Variants in TNR observed in about 807,000 individuals in gnomAD.
The protein encoded by TNR is tenascin R.
In TNR, 45 loss-of-function variants were observed where a neutral mutation model predicts 150.4. The observed-to-expected ratio is 0.30, with a 90% CI of 0.24 to 0.38. The LOEUF is 0.38. Ranked by LOEUF, TNR falls within the 10% of genes least tolerant of loss-of-function variation. The pLI is 1.00. For missense variants in TNR, 1,544 were observed against 1,759.1 expected (o/e 0.88, Z 2.19); for synonymous variants, 687 against 678.4 (o/e 1.01, Z -0.20).
At chr1:175,666,156 C>T (rs961281116) in intron 1 of TNR, among the ~76,000 whole-genome samples, 1 of 152,124 alleles carries the variant, frequency 6.6e-6, no homozygotes, top group Non-Finnish European at 1.5e-5. Flanking sequence ...TTATTGTACC[C>T]ATTATACAGA....
chr1:175,384,805 C>T (rs1322344882), intron 8 of TNR, among the ~76,000 whole-genome samples: 1 of 152,194 alleles, frequency 6.6e-6, no homozygotes, highest in East Asian at 1.9e-4. Flanking sequence ...AGTGGCCATC[C>T]AGTTTGCAAA....
At chr1:175,704,232 T>C (rs756731862) in intron 1 of TNR, among the ~76,000 whole-genome samples, 2 of 152,204 alleles carry the variant, frequency 1.3e-5, no homozygotes, top group Non-Finnish European at 2.9e-5. Context: ...GATTTTACCA[T>C]AATAAACGAG....
chr1:175,536,809 G>T lies in TNR; in HGVS notation c.-164-8440C>A, dbSNP rs28450558. Among the ~76,000 whole-genome samples the T allele has an allele frequency of 6.4e-3, 981 of 152,290 alleles. 14 individuals are homozygous for T. Among genetic ancestry groups the T allele is most frequent in the African/African-American group, 0.022 (910 of 41,550 alleles). ...GGAATTCTACTTCTCTGAGCACTAGGATAATTAGCAAATATTATAGAAATT... is the reference window on the plus strand; with the variant it reads ...GGAATTCTACTTCTCTGAGCACTAGTATAATTAGCAAATATTATAGAAATT... On this transcript the variant is annotated intron_variant, in intron 1 of 22. Coordinates refer to ENST00000367674, the MANE Select transcript of TNR (RefSeq NM_003285.3).
chr1:175,620,054 T>A (rs1309693234), intron 1 of TNR, among the ~76,000 whole-genome samples: 1 of 152,232 alleles, frequency 6.6e-6, no homozygotes, highest in East Asian at 1.9e-4. Context: ...GTAATTGTTA[T>A]AATGCGTAAT....
At chr1:175,444,843 CAG>C (rs1209134789) in intron 2 of TNR, among the ~76,000 whole-genome samples, 4 of 152,064 alleles carry the variant, frequency 2.6e-5, no homozygotes, top group African/African-American at 7.2e-5. Context: ...AAAAATCATG[CAG>C]AGAGTATGGG....
intron 1 of TNR, among the ~76,000 whole-genome samples, chr1:175,552,061 T>G (rs1365838206): frequency 1.3e-5 from 2 of 152,202 alleles, no homozygotes; most frequent in Non-Finnish European, 2.9e-5. Context: ...TAAAAGTTGT[T>G]GCCCCTGAGG....
At chr1:175,577,061 G>C (rs1010107981) in intron 1 of TNR, among the ~76,000 whole-genome samples, 8 of 152,128 alleles carry the variant, frequency 5.3e-5, no homozygotes, top group African/African-American at 1.7e-4. Flanking sequence ...CCATATGCAG[G>C]GTGATTAGAG....
At chr1:175,623,065 C>T (rs559888719) in intron 1 of TNR, among the ~76,000 whole-genome samples, 8 of 152,156 alleles carry the variant, frequency 5.3e-5, no homozygotes, top group Admixed American at 2.0e-4. Flanking sequence ...AAGATTTCAA[C>T]GTACATTTTT....
At chr1:175,639,285 C>A (rs1313004023) in intron 1 of TNR, among the ~76,000 whole-genome samples, 1 of 152,148 alleles carries the variant, frequency 6.6e-6, no homozygotes, top group Non-Finnish European at 1.5e-5. Context: ...AACAAAAGAC[C>A]ACCTGGTAGC....
intron 1 of TNR, among the ~76,000 whole-genome samples, chr1:175,576,926 T>A (rs79835160): frequency 0.042 from 6,404 of 152,268 alleles, 188 homozygotes; most frequent in Non-Finnish European, 0.064. Flanking sequence ...ATGCATGTGT[T>A]TTCCCATCAC....
chr1:175,501,871 G>A (rs2102150109), intron 2 of TNR, among the ~76,000 whole-genome samples: 1 of 152,290 alleles, frequency 6.6e-6, no homozygotes, highest in South Asian at 2.1e-4. Flanking sequence ...GGTCACAGTG[G>A]TGACCTGAGC....
intron 2 of TNR, among the ~76,000 whole-genome samples, chr1:175,440,806 G>A (rs1164132362): frequency 6.6e-6 from 1 of 152,106 alleles, no homozygotes; most frequent in Non-Finnish European, 1.5e-5. Context: ...TTGAAAATGT[G>A]GAAGTCATAA....
At chr1:175,722,553 C>T (rs1270691143) in intron 1 of TNR, among the ~76,000 whole-genome samples, 3 of 152,038 alleles carry the variant, frequency 2.0e-5, no homozygotes, top group South Asian at 2.1e-4. Flanking sequence ...CAACCTCTGC[C>T]TCCTAGGTTC....
chr1:175,528,046 T>C (rs1242252030), intron 2 of TNR, among the ~76,000 whole-genome samples: 1 of 152,186 alleles, frequency 6.6e-6, no homozygotes, highest in African/African-American at 2.4e-5. Context: ...AGAAATATTT[T>C]ATGAGAAGCC....
chr1:175,548,697 C>T (rs937918001), intron 1 of TNR, among the ~76,000 whole-genome samples: 1 of 151,044 alleles, frequency 6.6e-6, no homozygotes, highest in African/African-American at 2.4e-5. Flanking sequence ...GGCAGGGAGC[C>T]TCTCTACTGG....
chr1:175,388,886 A>G (rs186686261), intron 7 of TNR, among the ~76,000 whole-genome samples: 279 of 152,368 alleles, frequency 1.8e-3, no homozygotes, highest in African/African-American at 5.9e-3. Flanking sequence ...TGCAAATGTT[A>G]TAAGAATGTG....
At chr1:175,614,775 C>T (rs1663715062) in intron 1 of TNR, among the ~76,000 whole-genome samples, 2 of 152,220 alleles carry the variant, frequency 1.3e-5, no homozygotes, top group Admixed American at 6.5e-5. Flanking sequence ...TAACCAGGGG[C>T]TCCTTGGGGT....
intron 2 of TNR, among the ~76,000 whole-genome samples, chr1:175,466,823 T>G (rs1167491632): frequency 6.6e-6 from 1 of 152,114 alleles, no homozygotes; most frequent in Non-Finnish European, 1.5e-5. Context: ...GTAGACAAAC[T>G]AGCCTGGGTA....
intron 1 of TNR, among the ~76,000 whole-genome samples, chr1:175,658,977 G>T (rs1241821099): frequency 6.6e-6 from 1 of 152,198 alleles, no homozygotes; most frequent in Non-Finnish European, 1.5e-5. Context: ...TTCAGTGAGG[G>T]ATTCTCAAAC....
Sources: allele counts gnomAD v4.1 joint callset (sites outside exome capture counted in the v4.1 genomes callset), GRCh38; gene constraint gnomAD v4.1.1; transcripts MANE v1.5; gene names NCBI Gene and HGNC (gene_info 2026-07-23, HGNC 2026-07-21).